The following ZDHHC14 variants were observed in gnomAD, a reference collection of about 807,000 sequenced individuals.
The protein encoded by ZDHHC14 is palmitoyltransferase ZDHHC14.
In ZDHHC14, 16 loss-of-function variants were observed where a neutral mutation model predicts 47.7. The ratio of observed to expected loss-of-function variants is 0.34; its 90% CI spans 0.23 to 0.51. ZDHHC14 has a LOEUF of 0.51. ZDHHC14 is among the 20% of genes least tolerant of loss of function. The pLI is 0.97. For synonymous variants in ZDHHC14, 293 were observed against 278.9 expected (o/e 1.05, Z -0.50); for missense variants, 515 against 662.5 (o/e 0.78, Z 2.44).
At chr6:157,456,049 T>C (rs555349799) in intron 1 of ZDHHC14, among the ~76,000 whole-genome samples, 123 of 152,112 alleles carry the variant, frequency 8.1e-4, no homozygotes, top group Non-Finnish European at 1.1e-3. Context: ...AGGATTTAGG[T>C]TTCATCGGAG....
chr6:157,544,990 G>A (rs1157503353), intron 2 of ZDHHC14, among the ~76,000 whole-genome samples: 2 of 152,178 alleles, frequency 1.3e-5, no homozygotes, highest in Non-Finnish European at 2.9e-5. Context: ...TCCATATGTG[G>A]TATATCCATA....
chr6:157,435,685 G>A (rs532995290), intron 1 of ZDHHC14, among the ~76,000 whole-genome samples: 7 of 152,172 alleles, frequency 4.6e-5, no homozygotes, highest in African/African-American at 1.4e-4. Flanking sequence ...GTCTACAAGT[G>A]TGTGCCCCCA....
chr6:157,426,161 G>T (rs1321225632), intron 1 of ZDHHC14, among the ~76,000 whole-genome samples: 1 of 152,126 alleles, frequency 6.6e-6, no homozygotes, highest in Non-Finnish European at 1.5e-5. Flanking sequence ...AGAGCCTCCC[G>T]CAAGGTGGTG....
intron 7 of ZDHHC14, among the ~76,000 whole-genome samples, chr6:157,651,046 G>T (rs1777810780): frequency 6.6e-6 from 1 of 152,244 alleles, no homozygotes; most frequent in Non-Finnish European, 1.5e-5. Context: ...CCGTGCATAG[G>T]CCTCTCTGTG....
In ZDHHC14 at chr6:157,427,867, A is replaced by G. The variant is rs972176410; in HGVS notation, c.245+45601A>G. Among the ~76,000 whole-genome samples the G allele has an allele frequency of 5.9e-5, 9 of 152,166 alleles. No homozygotes were observed. The highest frequency in any genetic ancestry group is 1.9e-4 in the African/African-American group (8 of 41,424). ...ATGGAATGGTGGGGCTCTAGTCTTCATCTTTTCTCAGTAACAGCATAAAGG... is the reference window on the plus strand; with the variant it reads ...ATGGAATGGTGGGGCTCTAGTCTTCGTCTTTTCTCAGTAACAGCATAAAGG... On this transcript the variant is annotated intron_variant, in intron 1 of 8. Transcript: ENST00000359775. The surrounding 1 kb of genome is among the most constrained non-coding windows in gnomAD (Gnocchi z 4.4).
chr6:157,530,284 T>C (rs560478201), intron 1 of ZDHHC14, among the ~76,000 whole-genome samples: 2 of 152,212 alleles, frequency 1.3e-5, no homozygotes, highest in East Asian at 3.8e-4. Flanking sequence ...GCTGGATAAT[T>C]ACATGGTAGG....
At chr6:157,432,638 G>T (rs187166385) in intron 1 of ZDHHC14, among the ~76,000 whole-genome samples, 2 of 152,170 alleles carry the variant, frequency 1.3e-5, no homozygotes, top group South Asian at 2.1e-4. Context: ...GACTTCCTGC[G>T]TGAGAGAATG....
intron 1 of ZDHHC14, among the ~76,000 whole-genome samples, chr6:157,517,190 G>A (rs928441620): frequency 3.3e-5 from 5 of 152,162 alleles, no homozygotes; most frequent in African/African-American, 1.2e-4. Context: ...TCAGGAATTT[G>A]TGAGGACCAA....
chr6:157,395,570 C>T (rs181974819), intron 1 of ZDHHC14, among the ~76,000 whole-genome samples: 3,350 of 152,124 alleles, frequency 0.022, 132 homozygotes, highest in African/African-American at 0.077. Flanking sequence ...CCAAGGCCGG[C>T]GGATCAGGAG....
At chr6:157,433,947 A>G (rs1778390309) in intron 1 of ZDHHC14, among the ~76,000 whole-genome samples, 1 of 152,174 alleles carries the variant, frequency 6.6e-6, no homozygotes. Flanking sequence ...CTCCACACAC[A>G]TACTTTTTTC....
chr6:157,653,273 T>A (rs1777923549), intron 7 of ZDHHC14, among the ~76,000 whole-genome samples: 1 of 152,086 alleles, frequency 6.6e-6, no homozygotes, highest in Non-Finnish European at 1.5e-5. Context: ...AAGAGGGAGA[T>A]GCTGTCATCT....
intron 1 of ZDHHC14, among the ~76,000 whole-genome samples, chr6:157,500,493 A>C (rs546740090): frequency 6.6e-6 from 1 of 152,232 alleles, no homozygotes; most frequent in Non-Finnish European, 1.5e-5. Context: ...TACAGAAGCT[A>C]TCATAAGATT....
At chr6:157,468,766 T>C (rs921570708) in intron 1 of ZDHHC14, among the ~76,000 whole-genome samples, 13 of 152,230 alleles carry the variant, frequency 8.5e-5, no homozygotes, top group Non-Finnish European at 1.9e-4. Context: ...GAGTAATTTA[T>C]TGAGGACCTA....
At chr6:157,519,851 C>G (rs1780853662) in intron 1 of ZDHHC14, among the ~76,000 whole-genome samples, 1 of 152,210 alleles carries the variant, frequency 6.6e-6, no homozygotes, top group African/African-American at 2.4e-5. Context: ...AGACCCGTCC[C>G]TACCCCAAGG....
rs1777519907 is a variant in ZDHHC14, at chr6:157,645,787, T to C, written c.803T>C (p.Leu268Pro). 6.2e-7 allele frequency: 1 copy of C among 1,614,026 alleles called. No homozygotes were observed. The change falls in exon 6 of 9, where the codon CTC (leucine) becomes CCC (proline). Residue 268 changes from leucine to proline, a missense_variant. Around this residue, in one of 4 missense-constraint regions of ZDHHC14, gnomAD observed 229 missense variants for 351.5 expected, o/e 0.65. Coordinates refer to ENST00000359775, the MANE Select transcript of ZDHHC14 (RefSeq NM_024630.3). Reference protein sequence around the residue: ...CFFSVWSIVGLSGFHTYLISS... With the variant: ...CFFSVWSIVGPSGFHTYLISS... ...TTCTCTGTCTGGTCCATCGTTGGCCTCTCAGGATTCCACACCTACTTGATC... is the reference window on the plus strand; with the variant it reads ...TTCTCTGTCTGGTCCATCGTTGGCCCCTCAGGATTCCACACCTACTTGATC...
chr6:157,540,910 G>GTGTATATATATATATATATATA (rs1284429244), intron 1 of ZDHHC14, among the ~76,000 whole-genome samples: 28 of 122,970 alleles, frequency 2.3e-4, no homozygotes, highest in African/African-American at 1.2e-3. Context: ...GTGTGTGTGT[G>GTGTATATATATATATATATATA]TATATATATA....
In ZDHHC14 at chr6:157,579,715, A is replaced by G. The variant is rs1783447013; in HGVS notation, c.407-13273A>G. Among the ~76,000 whole-genome samples, 5 of 152,182 alleles carry G rather than the reference A, an allele frequency of 3.3e-5. No homozygotes were observed. In the South Asian group the frequency reaches 1.0e-3, roughly 32 times the overall value. On this transcript the variant is annotated intron_variant, in intron 2 of 8. Coordinates refer to ENST00000359775, the MANE Select transcript of ZDHHC14 (RefSeq NM_024630.3). ...GATGTTGTTGGTGTATAGGAATGCTACTGATTTCCATACATTAATTTTATA... is the reference window on the plus strand; with the variant it reads ...GATGTTGTTGGTGTATAGGAATGCTGCTGATTTCCATACATTAATTTTATA...
At chr6:157,492,169 CCTGAG>C (rs1022202271) in intron 1 of ZDHHC14, among the ~76,000 whole-genome samples, 1 of 151,598 alleles carries the variant, frequency 6.6e-6, no homozygotes, top group African/African-American at 2.4e-5. Context: ...TTCTCTGCCA[CCTGAG>C]CCTTGACCCT....
Position 157,675,997 on chromosome 6 carries a change from A to C in ZDHHC14, c.*2875A>C, listed in dbSNP as rs560722156. 6.6e-6 allele frequency: 1 copy of C among 152,236 alleles called. No individual in the cohort carries two copies. Among genetic ancestry groups the C allele is most frequent in the Non-Finnish European group, 1.5e-5 (1 of 68,044 alleles). The allele number at this position is 152,236 out of a possible 1,614,324, so 9.4% of individuals were successfully genotyped here. On this transcript the variant is annotated 3_prime_UTR_variant, in exon 9 of 9. Transcript: ENST00000359775. ...TCCCAGGAGTGCTCCAGGGAACCAC[A>C]GGCTTCCCGGCACTTGAAGGCTGAA...
Sources: allele counts gnomAD v4.1 joint callset (sites outside exome capture counted in the v4.1 genomes callset), GRCh38; gene constraint gnomAD v4.1.1; regional missense constraint gnomAD v4.1.1; non-coding constraint Gnocchi (gnomAD v3.1); transcripts MANE v1.5; gene names NCBI Gene and HGNC (gene_info 2026-07-23, HGNC 2026-07-21).